FAM234A: variants seen among roughly 807,000 people sequenced by gnomAD.
The protein encoded by FAM234A is family with sequence similarity 234 member A.
FAM234A carries 42 observed loss-of-function variants against 49.1 expected under a neutral mutation model. That is an observed-to-expected ratio of 0.86 (90% CI 0.67 to 1.11). The LOEUF (loss-of-function observed/expected upper bound fraction) is 1.11. FAM234A is among the 50% of genes least tolerant of loss of function. The pLI is 0.00. For missense variants in FAM234A, 815 were observed against 745.2 expected, an observed-to-expected ratio of 1.09 and a Z score of -1.09; for synonymous variants, 369 against 316.2, an observed-to-expected ratio of 1.17 and a Z score of -1.77.
intron 9 of FAM234A, 21 bp from the exon 10 acceptor site, chr16:263,679 G>A (rs370841714): frequency 7.6e-5 from 121 of 1,595,200 alleles, no homozygotes; most frequent in African/African-American, 2.3e-4. Flanking sequence ...CCTCGTGAGC[G>A]CTTCCTCCAT....
downstream of FAM234A, chr16:269,708 G>A (rs2051829430): frequency 1.3e-6 from 1 of 777,660 alleles, no homozygotes; most frequent in South Asian, 1.7e-5. Flanking sequence ...GGCGGACAGG[G>A]TGCTGGAGGC....
At chr16:240,526 G>A (rs1308433168) in intron 1 of FAM234A, among the ~76,000 whole-genome samples, 1 of 148,986 alleles carries the variant, frequency 6.7e-6, no homozygotes, top group Admixed American at 6.7e-5. Context: ...TTTTGAGACA[G>A]AGTCTTGCTC....
At chr16:242,177 G>A (rs1006495979) in intron 1 of FAM234A, among the ~76,000 whole-genome samples, 2 of 152,192 alleles carry the variant, frequency 1.3e-5, no homozygotes, top group Non-Finnish European at 2.9e-5. Flanking sequence ...ACAGATAGGT[G>A]TGGCAGCCTC....
Position 259,504 on chromosome 16 carries a change from T to C in FAM234A, c.290T>C (p.Val97Ala). 1 of 1,606,550 alleles carries C rather than the reference T, an allele frequency of 6.2e-7. No homozygotes were observed. Among genetic ancestry groups the C allele is most frequent in the Non-Finnish European group, 8.5e-7 (1 of 1,173,320 alleles). ...SAAVIYDFLAVDDINGDRIQD... is the reference protein window; with the variant it reads ...SAAVIYDFLAADDINGDRIQD... ...TCAGTTATCTATGACTTTCTGGCTG[T>C]GGATGATATAAACGGGGACAGGATC... is the stretch of plus-strand genomic sequence containing the variant. Residue 97 changes from valine to alanine, a missense_variant, in exon 4 of 13, where the codon GTG becomes GCG. By Grantham distance (64) the Val-to-Ala change is moderately conservative (BLOSUM62 0). Coordinates refer to ENST00000399932, the MANE Select transcript of FAM234A (RefSeq NM_032039.4).
At chr16:269,410 A>C, downstream of FAM234A, 2 of 1,592,228 alleles carry the variant, frequency 1.3e-6, no homozygotes, top group Non-Finnish European at 1.7e-6. Flanking sequence ...GGCTGAGAAC[A>C]GGCTGGCCAG....
intron 1 of FAM234A, among the ~76,000 whole-genome samples, chr16:239,011 G>A (rs1246897481): frequency 1.4e-5 from 2 of 148,044 alleles, no homozygotes; most frequent in Non-Finnish European, 3.0e-5. Context: ...GAACCCAGGA[G>A]GCGGAGGTTG....
chr16:242,751 T>A (rs2050664870), intron 1 of FAM234A, among the ~76,000 whole-genome samples: 1 of 151,820 alleles, frequency 6.6e-6, no homozygotes, highest in Non-Finnish European at 1.5e-5. Flanking sequence ...TAGCTGGGAT[T>A]ACTGATGCAC....
chr16:242,079 G>A (rs117539455), intron 1 of FAM234A, among the ~76,000 whole-genome samples: 2,515 of 152,256 alleles, frequency 0.017, 28 homozygotes, highest in Non-Finnish European at 0.027. Context: ...ATGTTAATGA[G>A]CTGTGCAAAC....
chr16:263,343 G>A lies in FAM234A; in HGVS notation c.1053G>A (p.Val351=), dbSNP rs752568301. ...DVLLVGSEAF[V]LLDGQELTPR... Reference sequence around the variant, plus strand: ...TTCTTGTGGGCTCAGAGGCCTTCGTGCTGCTGGACGGGCAGGAGCTGACGC... The same window carrying A: ...TTCTTGTGGGCTCAGAGGCCTTCGTACTGCTGGACGGGCAGGAGCTGACGC... The change falls in exon 9 of 13, where the codon GTG becomes GTA. Residue 351 remains valine (V), a synonymous_variant. Coordinates refer to ENST00000399932, the MANE Select transcript of FAM234A (RefSeq NM_032039.4). 35 of 1,612,986 alleles carry A rather than the reference G, an allele frequency of 2.2e-5. No homozygotes were observed. The highest frequency in any genetic ancestry group is 2.9e-5 in the Non-Finnish European group (34 of 1,180,018).
At chr16:235,510 G>T (rs2050368735) in intron 1 of FAM234A, among the ~76,000 whole-genome samples, 3 of 152,202 alleles carry the variant, frequency 2.0e-5, no homozygotes. Flanking sequence ...TTGTCAAGGA[G>T]AGAGTTTGCC....
At chr16:268,688 C>A, downstream of FAM234A, 3 of 1,392,792 alleles carry the variant, frequency 2.2e-6, no homozygotes, top group Non-Finnish European at 2.9e-6. Flanking sequence ...TTCTGGAACG[C>A]GTTTGGCGAG....
In FAM234A at chr16:264,083, G is replaced by A. The variant is rs769542419; in HGVS notation, c.1256G>A (p.Gly419Asp). ...CSLALPSLPG[G>D]PLSASLPTAD... ...CTAGCCCTCCCGAGCCTCCCTGGGG[G>A]TCCACTGTCCGCCAGCCTGCCGACC... The change falls in exon 11 of 13, where the codon GGT becomes GAT. Residue 419 changes from glycine (G) to aspartate (D), a missense_variant. Physicochemically the swap from Gly to Asp is moderately conservative, Grantham distance 94. Transcript: ENST00000399932. 6.2e-7 allele frequency: 1 copy of A among 1,612,754 alleles called. No individual in the cohort carries two copies.
At chr16:263,499 G>A in intron 9 of FAM234A, 97 bp downstream of exon 9, 1 of 1,509,726 alleles carries the variant, frequency 6.6e-7, no homozygotes, top group East Asian at 2.4e-5. Flanking sequence ...CTGGGGGTGG[G>A]GCCGGAGGCC....
intron 1 of FAM234A, among the ~76,000 whole-genome samples, chr16:248,089 C>T (rs1309861828): frequency 6.6e-6 from 1 of 152,066 alleles, no homozygotes; most frequent in African/African-American, 2.4e-5. Flanking sequence ...TTCCCTCACA[C>T]GTATGTGATA....
Position 265,449 on chromosome 16 carries a change from C to A in FAM234A, c.*427C>A. ...CCAGGGTGTCCCCGGGACAGGCCGT[C>A]CCCCACCCCATCCTGTAGAAGTCCA... On this transcript the variant is annotated 3_prime_UTR_variant, in exon 13 of 13. Transcript: ENST00000399932. 2.0e-6 allele frequency: 2 copies of A among 1,000,266 alleles called. No homozygotes were observed. The highest frequency in any genetic ancestry group is 2.4e-6 in the Non-Finnish European group (2 of 839,972). 62.0% of individuals were successfully genotyped at this position (1,000,266 alleles called of 1,614,324 possible). A position where few individuals can be genotyped will look rare whatever the true frequency, so the allele number is the denominator to read the frequency against.
intron 5 of FAM234A, chr16:260,795 G>C (rs1211676196): frequency 2.6e-6 from 1 of 379,084 alleles, no homozygotes; most frequent in South Asian, 2.0e-5. Flanking sequence ...AATATTTTAA[G>C]AATCAAGGAA....
At chr16:268,827 C>A (rs759918872), downstream of FAM234A, 2 of 1,550,406 alleles carry the variant, frequency 1.3e-6, no homozygotes, top group South Asian at 2.4e-5. Flanking sequence ...GAGCTCGCGC[C>A]GAGACCTGCA....
intron 1 of FAM234A, among the ~76,000 whole-genome samples, chr16:239,039 T>A (rs1460479378): frequency 7.7e-6 from 1 of 129,382 alleles, no homozygotes; most frequent in Non-Finnish European, 1.6e-5. Context: ...CTGAGATCGC[T>A]CCGCTACACT....
At chr16:269,366 C>G, downstream of FAM234A, 2 of 1,603,350 alleles carry the variant, frequency 1.2e-6, no homozygotes, top group Non-Finnish European at 1.7e-6. Context: ...CCGTGGCCTC[C>G]ACGTAAACGG....
Sources: gnomAD v4.1 joint callset for allele counts (sites outside exome capture counted in the v4.1 genomes callset) on GRCh38, gnomAD v4.1.1 for gene constraint, MANE v1.5 for transcripts, NCBI Gene and HGNC (gene_info 2026-07-23, HGNC 2026-07-21) for gene names.